The following SNX29 variants were observed in gnomAD, a reference collection of about 807,000 sequenced individuals.
The protein encoded by SNX29 is sorting nexin 29.
A neutral mutation model predicts 102.1 loss-of-function variants in SNX29; 78 were observed. The ratio of observed to expected loss-of-function variants is 0.76; its 90% CI spans 0.64 to 0.92. The LOEUF (loss-of-function observed/expected upper bound fraction) is 0.92, where lower values mean the gene tolerates loss of function less well. Ranked by LOEUF, SNX29 falls within the 40% of genes least tolerant of loss-of-function variation. SNX29 has a pLI of 0.00. For missense variants in SNX29, 1,280 were observed against 1,061.7 expected, an observed-to-expected ratio of 1.21 and a Z score of -2.86; for synonymous variants, 580 against 414.5, an observed-to-expected ratio of 1.40 and a Z score of -4.85.
intron 20 of SNX29, among the ~76,000 whole-genome samples, chr16:12,550,052 G>C (rs2077871052): frequency 6.6e-6 from 1 of 152,226 alleles, no homozygotes; most frequent in African/African-American, 2.4e-5. Flanking sequence ...CTGGAGCCTA[G>C]TATGTTTAGT....
intron 19 of SNX29, among the ~76,000 whole-genome samples, chr16:12,493,271 C>G (rs1181412030): frequency 2.0e-5 from 3 of 152,020 alleles, no homozygotes; most frequent in East Asian, 3.9e-4. Context: ...AGTTGGATTC[C>G]TAGGTATTTT....
chr16:12,038,815 T>C (rs1475383681), intron 4 of SNX29: 1 of 152,250 alleles, frequency 6.6e-6, no homozygotes, highest in Non-Finnish European at 1.5e-5. Context: ...GGAAATGTGA[T>C]GGACGTACCG....
intron 16 of SNX29, among the ~76,000 whole-genome samples, chr16:12,386,554 C>G (rs2083348097): frequency 6.6e-6 from 1 of 152,154 alleles, no homozygotes; most frequent in South Asian, 2.1e-4. Context: ...AATACTGTCC[C>G]AGATAGCAAG....
intron 20 of SNX29, among the ~76,000 whole-genome samples, chr16:12,552,507 G>T (rs772923232): frequency 6.6e-6 from 1 of 152,168 alleles, no homozygotes; most frequent in African/African-American, 2.4e-5. Flanking sequence ...CTCAAAAATA[G>T]CCTGCCAAAT....
At chr16:12,262,933 A>G (rs2078821775) in intron 14 of SNX29, among the ~76,000 whole-genome samples, 2 of 152,240 alleles carry the variant, frequency 1.3e-5, no homozygotes, top group East Asian at 3.9e-4. Context: ...GGCAACTATG[A>G]AACTACCTTT....
At chr16:12,505,674 C>T (rs888603595) in intron 19 of SNX29, among the ~76,000 whole-genome samples, 4 of 147,102 alleles carry the variant, frequency 2.7e-5, no homozygotes, top group African/African-American at 1.0e-4. Flanking sequence ...AAGTATGAGT[C>T]CTCCAGCTTT....
At chr16:12,022,497 A>G (rs1041516811) in intron 3 of SNX29, among the ~76,000 whole-genome samples, 3 of 152,266 alleles carry the variant, frequency 2.0e-5, no homozygotes, top group African/African-American at 7.2e-5. Flanking sequence ...CACAACGCCC[A>G]GCCAATTTTT....
intron 19 of SNX29, among the ~76,000 whole-genome samples, chr16:12,512,369 A>AATATATATATATATATAT (rs58157322): frequency 4.6e-4 from 20 of 43,924 alleles, no homozygotes; most frequent in Non-Finnish European, 5.5e-4. Context: ...GCCCAGGGAA[A>AATATATATATATATATAT]ATATATATAT....
chr16:12,557,611 C>T (rs1410153105), intron 20 of SNX29: 1 of 152,190 alleles, frequency 6.6e-6, no homozygotes, highest in Non-Finnish European at 1.5e-5. Context: ...ACCCATTCTC[C>T]TTGGCATCCC....
At chr16:12,089,154 G>A (rs1596837894) in intron 11 of SNX29, among the ~76,000 whole-genome samples, 1 of 149,510 alleles carries the variant, frequency 6.7e-6, no homozygotes, top group East Asian at 2.0e-4. Context: ...AAAAGAGAAA[G>A]AGAAAGAAAG....
chr16:12,460,146 C>G (rs2086717379), intron 18 of SNX29, among the ~76,000 whole-genome samples: 1 of 152,200 alleles, frequency 6.6e-6, no homozygotes, highest in Non-Finnish European at 1.5e-5. Context: ...CACGACCTCC[C>G]CAGCCCATTC....
chr16:12,395,663 G>C (rs1270692218), intron 16 of SNX29, among the ~76,000 whole-genome samples: 1 of 152,198 alleles, frequency 6.6e-6, no homozygotes, highest in Non-Finnish European at 1.5e-5. Flanking sequence ...GTAAACTAAA[G>C]AGAAATCTGC....
intron 1 of SNX29, among the ~76,000 whole-genome samples, chr16:11,997,723 C>T (rs980430678): frequency 2.0e-5 from 3 of 152,158 alleles, no homozygotes; most frequent in Non-Finnish European, 4.4e-5. Context: ...AAGCAATCTT[C>T]CTGCCTCAGC....
rs34364875 is a variant in SNX29, at chr16:11,993,164, CATAAATAA to C, written c.8-6105_8-6098del. ...TGGGCAACAAAGTGAGACTCTGTCT[CATAAATAA>C]ATAAATAAATAAATAAATAAATAAA... On this transcript the variant is annotated intron_variant, in intron 1 of 20. Transcript: ENST00000566228. Among the ~76,000 whole-genome samples the C allele has an allele frequency of 2.0e-3, 293 of 146,526 alleles. 1 individual carries two copies. Among genetic ancestry groups the C allele is most frequent in the South Asian group, 0.011 (51 of 4,438 alleles).
chr16:12,369,710 TTAAC>T lies in SNX29; in HGVS notation c.1899+13432_1899+13435del, dbSNP rs536573506. On this transcript the variant is annotated intron_variant, in intron 16 of 20. Coordinates refer to ENST00000566228, the MANE Select transcript of SNX29 (RefSeq NM_032167.5). ...GTTAATTTGTTCAATTTCTGCTAAA[TTAAC>T]ACACACAGTATTTCCAGGGATACAT... Among the ~76,000 whole-genome samples the T allele has an allele frequency of 4.9e-3, 745 of 152,304 alleles. 5 individuals carry two copies. Among genetic ancestry groups the T allele is most frequent in the African/African-American group, 0.017 (721 of 41,572 alleles).
chr16:12,444,964 G>T (rs1018495522), intron 18 of SNX29, among the ~76,000 whole-genome samples: 8 of 150,646 alleles, frequency 5.3e-5, no homozygotes, highest in African/African-American at 1.7e-4. Context: ...GGGTTCTCCT[G>T]CGTCAGCCTC....
At chr16:12,174,136 A>G (rs1301855355) in intron 13 of SNX29, among the ~76,000 whole-genome samples, 1 of 152,158 alleles carries the variant, frequency 6.6e-6, no homozygotes, top group Non-Finnish European at 1.5e-5. Context: ...ACCCAAGGTC[A>G]TTATTGGGAA....
chr16:12,421,529 C>G (rs2084870614), intron 18 of SNX29, among the ~76,000 whole-genome samples: 1 of 152,230 alleles, frequency 6.6e-6, no homozygotes, highest in Non-Finnish European at 1.5e-5. Context: ...AAGGAAAACA[C>G]TGGCCTCTTA....
intron 15 of SNX29, among the ~76,000 whole-genome samples, chr16:12,339,902 G>A (rs1334908929): frequency 6.6e-6 from 1 of 152,168 alleles, no homozygotes; most frequent in Non-Finnish European, 1.5e-5. Flanking sequence ...CAGTGGGGGC[G>A]TTTGGTCAGC....
Sources: gnomAD v4.1 joint callset for allele counts (sites outside exome capture counted in the v4.1 genomes callset) on GRCh38, gnomAD v4.1.1 for gene constraint, MANE v1.5 for transcripts, NCBI Gene and HGNC (gene_info 2026-07-23, HGNC 2026-07-21) for gene names.